The following LZTS1 variants were observed in gnomAD, a reference collection of about 807,000 sequenced individuals.
The protein encoded by LZTS1 is leucine zipper putative tumor suppressor 1.
LZTS1 carries 31 observed loss-of-function variants against 45.8 expected under a neutral mutation model. That is an observed-to-expected ratio of 0.68 (90% CI 0.51 to 0.91). The LOEUF (loss-of-function observed/expected upper bound fraction) is 0.91, where lower values mean the gene tolerates loss of function less well. Ranked by LOEUF, LZTS1 falls within the 40% of genes least tolerant of loss-of-function variation. The probability of loss-of-function intolerance (pLI) is 0.00; values close to 1 mark genes in which losing one functional copy is unlikely to be tolerated. For synonymous variants in LZTS1, 359 were observed against 357.3 expected (o/e 1.00, Z -0.05); for missense variants, 821 against 788.9 (o/e 1.04, Z -0.49).
rs558371110 is a variant in LZTS1, at chr8:20,272,880, G to T, written c.-134-17565C>A. ...TATTCTCTCCCATGAGCATTTAAACGTGCACAAGTCTCCCAATTCAAAAAT... is the reference window on the plus strand; with the variant it reads ...TATTCTCTCCCATGAGCATTTAAACTTGCACAAGTCTCCCAATTCAAAAAT... On this transcript the variant is annotated intron_variant, in intron 1 of 3. Coordinates refer to ENST00000381569, the MANE Select transcript of LZTS1 (RefSeq NM_021020.5). Among the ~76,000 whole-genome samples, 3 of 152,240 alleles carry T rather than the reference G, an allele frequency of 2.0e-5. No individual in the cohort carries two copies. The South Asian group carries it at 6.2e-4, about 32-fold the overall frequency.
At chr8:20,276,474 G>A (rs924807346) in intron 1 of LZTS1, among the ~76,000 whole-genome samples, 1 of 152,196 alleles carries the variant, frequency 6.6e-6, no homozygotes, top group African/African-American at 2.4e-5. Context: ...GGAAGTTTCT[G>A]GATAGTTGAA....
rs1800056109 is a variant in LZTS1, at chr8:20,254,945, G to C, written c.237C>G (p.His79Gln). The change falls in exon 2 of 4, where the codon CAC becomes CAG. Residue 79 changes from histidine to glutamine, a missense_variant. His to Gln is a conservative substitution (Grantham distance 24, BLOSUM62 0). Transcript: ENST00000381569. ...CGCTGGACAGTGCCGTGTAATCTGG[G>C]TGATGGGAGCCCCGGGCTTTCTGGC... ...KVSQKARGSH[H>Q]PDYTALSSGD... is the part of the protein sequence containing the mutation. 2 of 1,614,096 alleles carry C rather than the reference G, an allele frequency of 1.2e-6. No individual in the cohort carries two copies. The highest frequency in any genetic ancestry group is 1.1e-5 in the South Asian group (1 of 91,092).
intron 1 of LZTS1, among the ~76,000 whole-genome samples, chr8:20,294,789 G>C (rs930722244): frequency 6.9e-6 from 1 of 145,176 alleles, no homozygotes; most frequent in Non-Finnish European, 1.5e-5. Flanking sequence ...CTGGACCTCT[G>C]CTGGGGATGA....
At chr8:20,271,046 G>A (rs1800462950) in intron 1 of LZTS1, among the ~76,000 whole-genome samples, 1 of 152,076 alleles carries the variant, frequency 6.6e-6, no homozygotes, top group African/African-American at 2.4e-5. Flanking sequence ...GGCACTGTCT[G>A]TGTGTGCCTG....
At chr8:20,276,220 T>C (rs1018822476) in intron 1 of LZTS1, among the ~76,000 whole-genome samples, 2 of 130,588 alleles carry the variant, frequency 1.5e-5, no homozygotes, top group South Asian at 2.8e-4. Context: ...CCTGGCATCC[T>C]AAAATCCTTA....
At chr8:20,283,050 C>A (rs558945548) in intron 1 of LZTS1, among the ~76,000 whole-genome samples, 6 of 152,288 alleles carry the variant, frequency 3.9e-5, no homozygotes, top group African/African-American at 9.6e-5. Flanking sequence ...TAGAGCCTGA[C>A]TGGGCTTGAG....
chr8:20,293,345 C>G (rs1228921333), intron 1 of LZTS1, among the ~76,000 whole-genome samples: 1 of 152,182 alleles, frequency 6.6e-6, no homozygotes, highest in East Asian at 1.9e-4. Context: ...ACGTGCCTTT[C>G]TAGAAAGGTT....
At chr8:20,266,065 C>T (rs918851845) in intron 1 of LZTS1, among the ~76,000 whole-genome samples, 2 of 151,644 alleles carry the variant, frequency 1.3e-5, no homozygotes, top group African/African-American at 4.9e-5. Flanking sequence ...CTCTCTTGTC[C>T]AGGCTGGAGT....
rs766429090 is a variant in LZTS1, at chr8:20,249,993, A to G, written c.1520T>C (p.Leu507Pro). ...VPALQRELER[L>P]RAELREERQG... ...CCGCTCCTCCCGCAGCTCGGCCCGC[A>G]GCCGCTCCAGCTCCCGCTGCAGGGC... The change falls in exon 4 of 4, where the codon CTG becomes CCG. Residue 507 changes from leucine (L) to proline (P), a missense_variant. Leu to Pro is a moderately conservative substitution (Grantham distance 98). Coordinates refer to ENST00000381569, the MANE Select transcript of LZTS1 (RefSeq NM_021020.5). 1.2e-6 allele frequency: 2 copies of G among 1,613,348 alleles called. No individual in the cohort carries two copies. Among genetic ancestry groups the G allele is most frequent in the Non-Finnish European group, 8.5e-7 (1 of 1,179,764 alleles).
intron 1 of LZTS1, among the ~76,000 whole-genome samples, chr8:20,276,837 G>T (rs1800594538): frequency 6.6e-6 from 1 of 152,230 alleles, no homozygotes; most frequent in South Asian, 2.1e-4. Context: ...CACATATGTG[G>T]TAATAGAAGT....
intron 1 of LZTS1, chr8:20,289,091 G>A (rs912209091): frequency 7.3e-6 from 1 of 137,442 alleles, no homozygotes; most frequent in African/African-American, 2.6e-5. Context: ...ACTTCACAAG[G>A]CCGTGGGCTC....
intron 1 of LZTS1, among the ~76,000 whole-genome samples, chr8:20,280,390 C>A (rs994158256): frequency 6.6e-6 from 1 of 152,170 alleles, no homozygotes; most frequent in African/African-American, 2.4e-5. Context: ...TCAGAGTTCA[C>A]TTGTCATTCA....
chr8:20,251,614 T>C (rs1336275072), intron 3 of LZTS1, among the ~76,000 whole-genome samples: 1 of 152,022 alleles, frequency 6.6e-6, no homozygotes, highest in Non-Finnish European at 1.5e-5. Flanking sequence ...TCATCATTGC[T>C]CTTGGCCAAA....
At chr8:20,294,340 G>C (rs114528061) in intron 1 of LZTS1, among the ~76,000 whole-genome samples, 1 of 152,224 alleles carries the variant, frequency 6.6e-6, no homozygotes, top group Admixed American at 6.5e-5. Flanking sequence ...GAATAGCCAC[G>C]CATCCTGCCC....
chr8:20,253,776 G>A (rs1449044883), intron 2 of LZTS1, among the ~76,000 whole-genome samples, 191 bp from the exon 3 acceptor site: 1 of 152,164 alleles, frequency 6.6e-6, no homozygotes, highest in Admixed American at 6.5e-5. Context: ...CTCTTAGGAA[G>A]GAAAAACCCT....
At chr8:20,278,404 A>T (rs1800625387) in intron 1 of LZTS1, among the ~76,000 whole-genome samples, 1 of 152,194 alleles carries the variant, frequency 6.6e-6, no homozygotes, top group Non-Finnish European at 1.5e-5. Flanking sequence ...TGGACAGCCC[A>T]CCCAAAGGGA....
chr8:20,256,782 T>C (rs1197164518), intron 1 of LZTS1, among the ~76,000 whole-genome samples: 1 of 151,874 alleles, frequency 6.6e-6, no homozygotes, highest in African/African-American at 2.4e-5. Context: ...CAGGGAGTGA[T>C]GGAGAGTAGG....
chr8:20,256,555 C>T (rs1375366218), intron 1 of LZTS1, among the ~76,000 whole-genome samples: 2 of 151,832 alleles, frequency 1.3e-5, no homozygotes, highest in African/African-American at 4.8e-5. Flanking sequence ...GAGGCCAAGG[C>T]AGGAGGATCA....
In LZTS1 at chr8:20,250,265, C is replaced by A. The variant is rs1799859974; in HGVS notation, c.1248G>T (p.Lys416Asn). The change falls in exon 4 of 4, where the codon AAG (lysine) becomes AAT (asparagine). Residue 416 changes from lysine (K) to asparagine (N), a missense_variant. Lys to Asn is a moderately conservative substitution (Grantham distance 94). Coordinates refer to ENST00000381569, the MANE Select transcript of LZTS1 (RefSeq NM_021020.5). ...TGCCCCGCGTGTCCTTCAGCTGTGC[C>A]TTGAGACCCAGGATCTCGCTAGCCT... Reference protein sequence around the residue: ...NAKASEILGLKAQLKDTRGKL... With the variant: ...NAKASEILGLNAQLKDTRGKL... 6.2e-7 allele frequency: 1 copy of A among 1,613,922 alleles called. No homozygotes were observed. Among genetic ancestry groups the A allele is most frequent in the East Asian group, 2.2e-5 (1 of 44,878 alleles).
Sources: gnomAD v4.1 joint callset for allele counts (sites outside exome capture counted in the v4.1 genomes callset) on GRCh38, gnomAD v4.1.1 for gene constraint, MANE v1.5 for transcripts, NCBI Gene and HGNC (gene_info 2026-07-23, HGNC 2026-07-21) for gene names.